ST6GALNAC5: variants seen among roughly 807,000 people sequenced by gnomAD.
ST6GALNAC5 encodes ST6 N-acetylgalactosaminide alpha-2,6-sialyltransferase 5.
Under a neutral mutation model 33.6 loss-of-function variants are expected in ST6GALNAC5, and 27 were observed. The observed-to-expected ratio is 0.80, with a 90% CI of 0.59 to 1.11. The LOEUF (loss-of-function observed/expected upper bound fraction) is 1.11. ST6GALNAC5 is among the 50% of genes least tolerant of loss of function. The pLI, the probability that ST6GALNAC5 is intolerant of heterozygous loss-of-function variation, is 0.00. For missense variants in ST6GALNAC5, 428 were observed against 454.0 expected, an observed-to-expected ratio of 0.94 and a Z score of 0.52; for synonymous variants, 194 against 171.2, an observed-to-expected ratio of 1.13 and a Z score of -1.04.
intron 2 of ST6GALNAC5, among the ~76,000 whole-genome samples, chr1:76,922,446 T>C (rs1344840968): frequency 1.3e-5 from 2 of 152,210 alleles, no homozygotes; most frequent in Non-Finnish European, 2.9e-5. Context: ...AATTTATCTA[T>C]AGATTTAATG....
intron 2 of ST6GALNAC5, among the ~76,000 whole-genome samples, chr1:76,985,011 A>G (rs948001147): frequency 2.0e-5 from 3 of 152,212 alleles, no homozygotes; most frequent in African/African-American, 7.2e-5. Context: ...GATGGAACGT[A>G]TCTCAAAATA....
At chr1:77,023,255 C>T (rs368579503) in intron 2 of ST6GALNAC5, among the ~76,000 whole-genome samples, 36 of 152,306 alleles carry the variant, frequency 2.4e-4, no homozygotes, top group African/African-American at 7.9e-4. Context: ...TTTGTTATGG[C>T]AGCCTAGCAA....
At chr1:76,921,690 TC>T (rs1647036056) in intron 2 of ST6GALNAC5, among the ~76,000 whole-genome samples, 1 of 152,100 alleles carries the variant, frequency 6.6e-6, no homozygotes, top group African/African-American at 2.4e-5. Flanking sequence ...ACTGAAAAAC[TC>T]CAGAGGTATG....
At chr1:76,907,704 T>C (rs894009004) in intron 2 of ST6GALNAC5, among the ~76,000 whole-genome samples, 1 of 152,128 alleles carries the variant, frequency 6.6e-6, no homozygotes, top group Non-Finnish European at 1.5e-5. Flanking sequence ...ATGTGTTTCA[T>C]TGACATGAGT....
At chr1:76,885,705 T>C (rs774444266) in intron 2 of ST6GALNAC5, among the ~76,000 whole-genome samples, 29 of 152,212 alleles carry the variant, frequency 1.9e-4, no homozygotes, top group Non-Finnish European at 3.2e-4. Context: ...CCAGAAGATA[T>C]ATTCATCCCT....
chr1:76,969,284 C>T lies in ST6GALNAC5; in HGVS notation c.262-74920C>T, dbSNP rs191279867. ...TCCTAACCAAGGGAATCCGTACCTT[C>T]GCCAAAGACTGTACCTGGAAAAACA... On this transcript the variant is annotated intron_variant, in intron 2 of 4. Transcript: ENST00000477717. Among the ~76,000 whole-genome samples, 361 of 152,304 alleles carry T rather than the reference C, an allele frequency of 2.4e-3. 2 individuals are homozygous for T. The highest frequency in any genetic ancestry group is 8.1e-3 in the African/African-American group (336 of 41,558).
chr1:76,991,962 G>GT (rs1410767582), intron 2 of ST6GALNAC5, among the ~76,000 whole-genome samples: 1 of 151,080 alleles, frequency 6.6e-6, no homozygotes, highest in Non-Finnish European at 1.5e-5. Flanking sequence ...TGAATGGAAT[G>GT]TTTTTTTGGC....
chr1:77,022,847 A>T (rs938084066), intron 2 of ST6GALNAC5, among the ~76,000 whole-genome samples: 16 of 152,020 alleles, frequency 1.1e-4, no homozygotes, highest in African/African-American at 3.9e-4. Context: ...TTCCTCTACC[A>T]TCTGTGTTCT....
intron 2 of ST6GALNAC5, among the ~76,000 whole-genome samples, chr1:76,869,836 G>A (rs1337270609): frequency 1.3e-5 from 2 of 152,062 alleles, no homozygotes; most frequent in Non-Finnish European, 2.9e-5. Flanking sequence ...AAATACCTGA[G>A]GACAGAACAA....
chr1:76,976,010 G>C (rs1031023719), intron 2 of ST6GALNAC5, among the ~76,000 whole-genome samples: 4 of 152,136 alleles, frequency 2.6e-5, no homozygotes, highest in Non-Finnish European at 5.9e-5. Context: ...CACAAGAATA[G>C]CTTGAAACCC....
intron 2 of ST6GALNAC5, among the ~76,000 whole-genome samples, chr1:76,885,774 T>C (rs1458163463): frequency 6.6e-6 from 1 of 152,234 alleles, no homozygotes; most frequent in African/African-American, 2.4e-5. Flanking sequence ...CACTTTTCAA[T>C]TGTGGCATGC....
At chr1:77,001,784 G>T (rs897059799) in intron 2 of ST6GALNAC5, among the ~76,000 whole-genome samples, 2 of 148,764 alleles carry the variant, frequency 1.3e-5, no homozygotes, top group Non-Finnish European at 3.0e-5. Context: ...TTATATGCTG[G>T]ATTACATTTA....
chr1:77,050,349 C>T lies in ST6GALNAC5; in HGVS notation c.763C>T (p.Pro255Ser). Residue 255 changes from proline (P) to serine (S), a missense_variant, in exon 4 of 5, where the codon CCC (proline) becomes TCC (serine). By Grantham distance (74) the Pro-to-Ser change is moderately conservative. Transcript: ENST00000477717. ...CAGGATCAATGTTTATGGCATGGTGCCCCCAGACTTCTGCAGGTAGGATTT... is the reference window on the plus strand; with the variant it reads ...CAGGATCAATGTTTATGGCATGGTGTCCCCAGACTTCTGCAGGTAGGATTT... ...CDRINVYGMV[P>S]PDFCRDPNHP... 3 of 1,613,724 alleles carry T rather than the reference C, an allele frequency of 1.9e-6. No homozygotes were observed. Among genetic ancestry groups the T allele is most frequent in the Non-Finnish European group, 2.5e-6 (3 of 1,179,680 alleles).
At chr1:77,009,335 G>C (rs1650544675) in intron 2 of ST6GALNAC5, among the ~76,000 whole-genome samples, 1 of 152,152 alleles carries the variant, frequency 6.6e-6, no homozygotes, top group Non-Finnish European at 1.5e-5. Flanking sequence ...AGTTTCATGA[G>C]GTAAGAGGAG....
intron 2 of ST6GALNAC5, among the ~76,000 whole-genome samples, chr1:76,954,468 C>T (rs1010794434): frequency 2.0e-5 from 3 of 152,034 alleles, no homozygotes; most frequent in African/African-American, 7.2e-5. Context: ...TGCAGCAAAC[C>T]ACCATGGCAC....
intron 2 of ST6GALNAC5, among the ~76,000 whole-genome samples, chr1:76,987,332 G>A (rs910041962): frequency 1.3e-5 from 2 of 152,046 alleles, no homozygotes; most frequent in East Asian, 1.9e-4. Flanking sequence ...CCAAACACAC[G>A]AGAAGATTTT....
intron 2 of ST6GALNAC5, among the ~76,000 whole-genome samples, chr1:77,012,552 T>C (rs1003053446): frequency 2.6e-5 from 4 of 152,120 alleles, no homozygotes; most frequent in Admixed American, 6.5e-5. Context: ...AGCTTCACTA[T>C]GTATTCTGCA....
chr1:76,925,356 C>A (rs751746476), intron 2 of ST6GALNAC5, among the ~76,000 whole-genome samples: 2 of 152,084 alleles, frequency 1.3e-5, no homozygotes, highest in Non-Finnish European at 2.9e-5. Context: ...CTTGTCAATT[C>A]AAAGCCAAAG....
At chr1:77,014,036 C>A (rs1650735231) in intron 2 of ST6GALNAC5, among the ~76,000 whole-genome samples, 1 of 152,134 alleles carries the variant, frequency 6.6e-6, no homozygotes, top group African/African-American at 2.4e-5. Context: ...TTACTTAAAC[C>A]CCAGCCTCAT....
Sources: gnomAD v4.1 joint callset for allele counts (sites outside exome capture counted in the v4.1 genomes callset) on GRCh38, gnomAD v4.1.1 for gene constraint, MANE v1.5 for transcripts, NCBI Gene and HGNC (gene_info 2026-07-23, HGNC 2026-07-21) for gene names.